CSMD3: variants seen among roughly 807,000 people sequenced by gnomAD.
The protein encoded by CSMD3 is CUB and sushi domain-containing protein 3.
CSMD3 carries 177 observed loss-of-function variants against 435.2 expected under a neutral mutation model. The observed-to-expected ratio is 0.41, with a 90% CI of 0.36 to 0.46. The LOEUF (loss-of-function observed/expected upper bound fraction) is 0.46, where lower values mean the gene tolerates loss of function less well. Among genes scored for constraint, CSMD3 ranks in the 20% least tolerant of loss-of-function variants. The pLI is 0.34. For missense variants in CSMD3, 4,265 were observed against 4,504.6 expected (o/e 0.95, Z 1.52); for synonymous variants, 1,656 against 1,520.5 (o/e 1.09, Z -2.07).
intron 3 of CSMD3, among the ~76,000 whole-genome samples, chr8:113,184,070 G>T (rs1164930909): frequency 6.6e-6 from 1 of 152,018 alleles, no homozygotes; most frequent in African/African-American, 2.4e-5. Context: ...TCTTCCAGTG[G>T]AGTTTTCACT....
rs1861752 is a variant in CSMD3, at chr8:112,252,681, A to G, written c.10110+1572T>C. 1.7e-3 allele frequency among the ~76,000 whole-genome samples: 31 copies of G among 18,288 alleles called. 1 individual carries two copies. Among genetic ancestry groups the G allele is most frequent in the African/African-American group, 8.7e-3 (5 of 572 alleles). 12.0% of individuals were successfully genotyped at this position (18,288 alleles called of 152,430 possible). A position where few individuals can be genotyped will look rare whatever the true frequency, so the allele number is the denominator to read the frequency against. The stretch of plus-strand genomic sequence containing the variant: ...TAACAGATTTAGTATGTGTGTGTGT[A>G]TATATATATATATATATATATATAT... On this transcript the variant is annotated intron_variant, in intron 63 of 70. Coordinates refer to ENST00000297405, the MANE Select transcript of CSMD3 (RefSeq NM_198123.2).
intron 12 of CSMD3, among the ~76,000 whole-genome samples, chr8:112,825,774 G>A (rs1383418516): frequency 1.3e-5 from 2 of 152,152 alleles, no homozygotes; most frequent in Non-Finnish European, 2.9e-5. Flanking sequence ...CCTGTATAGG[G>A]TGTCTGAGAA....
intron 17 of CSMD3, among the ~76,000 whole-genome samples, chr8:112,661,641 C>T (rs1443397604): frequency 6.6e-6 from 1 of 152,020 alleles, no homozygotes; most frequent in Non-Finnish European, 1.5e-5. Flanking sequence ...TAATAATGCA[C>T]TTTGTGTTCA....
At chr8:112,490,018 A>G (rs1005553523) in intron 31 of CSMD3, among the ~76,000 whole-genome samples, 10 of 152,324 alleles carry the variant, frequency 6.6e-5, no homozygotes, top group African/African-American at 2.2e-4. Context: ...AAATGACAGA[A>G]GTATACTAGT....
rs202119214 is a variant in CSMD3, at chr8:112,355,830, C to CA, written c.6137-3297dup. Among the ~76,000 whole-genome samples, 1,014 of 146,914 alleles carry CA rather than the reference C, an allele frequency of 6.9e-3. 6 individuals are homozygous for CA. Among genetic ancestry groups the CA allele is most frequent in the African/African-American group, 0.022 (895 of 40,448 alleles). ...CCTGGGCGACAGAGCTGGAGTCTGT[C>CA]AAAAAAAATAAATAGATAAAAAATA... On this transcript the variant is annotated intron_variant, in intron 38 of 70. Coordinates refer to ENST00000297405, the MANE Select transcript of CSMD3 (RefSeq NM_198123.2).
chr8:112,472,831 C>T (rs1160170767), intron 31 of CSMD3, 124 bp from the exon 32 acceptor site: 1 of 656,644 alleles, frequency 1.5e-6, no homozygotes, highest in Non-Finnish European at 2.7e-6. Context: ...TTATTTGCAT[C>T]TTATAATAAG....
chr8:112,545,286 A>G (rs1224037402), intron 27 of CSMD3, among the ~76,000 whole-genome samples: 3 of 151,950 alleles, frequency 2.0e-5, no homozygotes, highest in Non-Finnish European at 2.9e-5. Flanking sequence ...GATCGAGACC[A>G]TCTTGGCTAA....
In CSMD3 at chr8:112,859,161, G is replaced by T; in HGVS notation, c.1739C>A (p.Ala580Glu). 1 of 1,610,520 alleles carries T rather than the reference G, an allele frequency of 6.2e-7. No individual in the cohort carries two copies. The highest frequency in any genetic ancestry group is 8.5e-7 in the Non-Finnish European group (1 of 1,177,322). The change falls in exon 11 of 71, where the codon GCA becomes GAA. Residue 580 changes from alanine to glutamate, a missense_variant. By Grantham distance (107) the Ala-to-Glu change is moderately radical. Coordinates refer to ENST00000297405, the MANE Select transcript of CSMD3 (RefSeq NM_198123.2). The stretch of plus-strand genomic sequence containing the variant: ...TTCTCTTACCTTATTTGTATTCACT[G>T]CTGTGATGACCCAGACACATTGTGC... ...SNAQCVWVIT[A>E]VNTNKVIQIN...
rs181679798 is a variant in CSMD3, at chr8:112,417,305, A to G, written c.5396-8273T>C. 1.1e-4 allele frequency among the ~76,000 whole-genome samples: 16 copies of G among 152,292 alleles called. No individual in the cohort carries two copies. In the East Asian group the frequency reaches 2.9e-3, roughly 28 times the overall value. ...TAATCCAGGATTAACCACATGGGAA[A>G]GCCTCAGTTTCCTCATCTGTAAAAT... On this transcript the variant is annotated intron_variant, in intron 32 of 70. Transcript: ENST00000297405.
At chr8:112,293,355 T>C (rs776987004) in intron 54 of CSMD3, among the ~76,000 whole-genome samples, 1 of 152,064 alleles carries the variant, frequency 6.6e-6, no homozygotes, top group Non-Finnish European at 1.5e-5. Context: ...TAGTTAATAA[T>C]TGAGGATATT....
intron 36 of CSMD3, among the ~76,000 whole-genome samples, chr8:112,384,076 TCTACAAGC>T (rs139593392): frequency 0.014 from 2,150 of 152,304 alleles, 57 homozygotes; most frequent in African/African-American, 0.049. Flanking sequence ...AGATCTGTGG[TCTACAAGC>T]CTGTAGGACC....
chr8:112,482,966 T>A (rs1416003280), intron 31 of CSMD3, among the ~76,000 whole-genome samples: 1 of 152,172 alleles, frequency 6.6e-6, no homozygotes, highest in African/African-American at 2.4e-5. Context: ...CAAATCAAAG[T>A]TTCCATGTCT....
chr8:112,978,760 T>A (rs1186938384), intron 6 of CSMD3, among the ~76,000 whole-genome samples: 2 of 151,912 alleles, frequency 1.3e-5, no homozygotes, highest in Non-Finnish European at 2.9e-5. Flanking sequence ...TCATATTCTT[T>A]CCACACCATA....
chr8:113,119,760 A>G lies in CSMD3; in HGVS notation c.710-20797T>C, dbSNP rs75529519. ...AAAATAGGAAAAAATAGTTAAATAC[A>G]TATTGCAACATTTCTTACTGGGTAA... On this transcript the variant is annotated intron_variant, in intron 4 of 70. Coordinates refer to ENST00000297405, the MANE Select transcript of CSMD3 (RefSeq NM_198123.2). 7.6e-3 allele frequency among the ~76,000 whole-genome samples: 1,154 copies of G among 152,264 alleles called. 17 individuals carry two copies. Among genetic ancestry groups the G allele is most frequent in the African/African-American group, 0.026 (1,083 of 41,574 alleles).
At chr8:113,291,544 G>A (rs1183832850) in intron 2 of CSMD3, among the ~76,000 whole-genome samples, 7 of 151,752 alleles carry the variant, frequency 4.6e-5, no homozygotes, top group Non-Finnish European at 7.4e-5. Context: ...GACTACTTTC[G>A]ATAAGGCTAG....
intron 9 of CSMD3, among the ~76,000 whole-genome samples, chr8:112,929,787 G>T (rs1301445405): frequency 6.6e-6 from 1 of 151,962 alleles, no homozygotes; most frequent in East Asian, 1.9e-4. Context: ...ACATGAAAAT[G>T]TTCAGAAAAA....
intron 1 of CSMD3, among the ~76,000 whole-genome samples, chr8:113,435,384 A>G (rs1451027506): frequency 1.3e-5 from 2 of 152,164 alleles, no homozygotes; most frequent in African/African-American, 4.8e-5. Context: ...AGGGAAAGGT[A>G]ACCTCTCCAG....
chr8:112,984,745 C>T (rs1178073379), intron 6 of CSMD3, among the ~76,000 whole-genome samples: 1 of 151,956 alleles, frequency 6.6e-6, no homozygotes, highest in Non-Finnish European at 1.5e-5. Context: ...ATATTTGTAC[C>T]TATTGAAAAA....
At chr8:112,393,324 T>A (rs1830595657) in intron 35 of CSMD3, among the ~76,000 whole-genome samples, 1 of 152,190 alleles carries the variant, frequency 6.6e-6, no homozygotes, top group African/African-American at 2.4e-5. Flanking sequence ...CTTATTGCTG[T>A]CACTTGATTT....
Sources: allele counts gnomAD v4.1 joint callset (sites outside exome capture counted in the v4.1 genomes callset), GRCh38; gene constraint gnomAD v4.1.1; transcripts MANE v1.5; gene names NCBI Gene and HGNC (gene_info 2026-07-23, HGNC 2026-07-21).